Variants in TM4SF5 observed in about 807,000 individuals in gnomAD.
The protein encoded by TM4SF5 is transmembrane 4 L six family member 5.
A neutral mutation model predicts 22.3 loss-of-function variants in TM4SF5; 16 were observed. That is an observed-to-expected ratio of 0.72 (90% CI 0.49 to 1.09). The LOEUF is 1.09. TM4SF5 is among the 50% of genes least tolerant of loss of function. The pLI, the probability that TM4SF5 is intolerant of heterozygous loss-of-function variation, is 0.00. For synonymous variants in TM4SF5, 113 were observed against 109.6 expected, an observed-to-expected ratio of 1.03 and a Z score of -0.19; for missense variants, 249 against 266.1, an observed-to-expected ratio of 0.94 and a Z score of 0.45.
At chr17:4,782,704 G>T in intron 3 of TM4SF5, 65 bp downstream of exon 3, 2 of 1,600,510 alleles carry the variant, frequency 1.2e-6, no homozygotes, top group South Asian at 2.2e-5. Context: ...TTCCCCCGTG[G>T]ACTGGGACAC....
At chr17:4,772,195 G>A in intron 1 of TM4SF5, 96 bp downstream of exon 1, 1 of 1,481,724 alleles carries the variant, frequency 6.7e-7, no homozygotes, top group Non-Finnish European at 9.2e-7. Context: ...AAGAATGGTT[G>A]CTTGGGAGAG....
At chr17:4,776,861 C>T (rs1917215520) in intron 1 of TM4SF5, among the ~76,000 whole-genome samples, 1 of 152,112 alleles carries the variant, frequency 6.6e-6, no homozygotes, top group Non-Finnish European at 1.5e-5. Flanking sequence ...CCTTTGACCA[C>T]TGTGTGGAGA....
Position 4,779,015 on chromosome 17 carries a change from C to G in TM4SF5, c.178-1774C>G, listed in dbSNP as rs187810227. Among the ~76,000 whole-genome samples, 287 of 149,988 alleles carry G rather than the reference C, an allele frequency of 1.9e-3. 2 individuals carry two copies. Among genetic ancestry groups the G allele is most frequent in the African/African-American group, 6.9e-3 (281 of 40,556 alleles). On this transcript the variant is annotated intron_variant, in intron 1 of 4. Coordinates refer to ENST00000270560, the MANE Select transcript of TM4SF5 (RefSeq NM_003963.3). ...GAGGTTGCAGTGAGCCAAGATCACA[C>G]CACTGTACTCCAACCTGGTGACAGA...
At chr17:4,772,631 G>T (rs994571656) in intron 1 of TM4SF5, among the ~76,000 whole-genome samples, 3 of 152,148 alleles carry the variant, frequency 2.0e-5, no homozygotes, top group African/African-American at 7.2e-5. Context: ...CAGTATGGCA[G>T]GGAGGATGCC....
At chr17:4,775,842 T>C (rs1917194221) in intron 1 of TM4SF5, among the ~76,000 whole-genome samples, 1 of 152,094 alleles carries the variant, frequency 6.6e-6, no homozygotes, top group African/African-American at 2.4e-5. Context: ...ACAAATGGAA[T>C]GATAGAGTAT....
chr17:4,782,068 C>A (rs1917319681), intron 2 of TM4SF5, among the ~76,000 whole-genome samples: 1 of 148,824 alleles, frequency 6.7e-6, no homozygotes, highest in Non-Finnish European at 1.5e-5. Flanking sequence ...AGGACAGGTG[C>A]AGAAACAGAG....
chr17:4,772,405 C>G (rs1273455044), intron 1 of TM4SF5, among the ~76,000 whole-genome samples: 1 of 152,194 alleles, frequency 6.6e-6, no homozygotes, highest in Admixed American at 6.5e-5. Flanking sequence ...AACCTCACTA[C>G]AATGGTCGAG....
rs189004937 is a variant in TM4SF5, at chr17:4,777,820, G to T, written c.178-2969G>T. ...AATCACCTGAACACGGGAGGCAGAG[G>T]TTACAGCGAGCCAAGATCGCGCCAT... On this transcript the variant is annotated intron_variant, in intron 1 of 4. Coordinates refer to ENST00000270560, the MANE Select transcript of TM4SF5 (RefSeq NM_003963.3). Among the ~76,000 whole-genome samples, 598 of 152,034 alleles carry T rather than the reference G, an allele frequency of 3.9e-3. 4 individuals are homozygous for T. The highest frequency in any genetic ancestry group is 0.014 in the African/African-American group (577 of 41,448).
At chr17:4,772,213 A>G (rs1004610517) in intron 1 of TM4SF5, 114 bp downstream of exon 1, 1 of 1,335,404 alleles carries the variant, frequency 7.5e-7, no homozygotes, top group Non-Finnish European at 1.0e-6. Context: ...GAGGATGGCA[A>G]TGGCTTCGTG....
In TM4SF5 at chr17:4,771,909, C is replaced by CA; in HGVS notation, c.-14_-13insA. 6.2e-7 allele frequency: 1 copy of CA among 1,614,104 alleles called. No homozygotes were observed. The highest frequency in any genetic ancestry group is 8.5e-7 in the Non-Finnish European group (1 of 1,179,970). ...TTACTTTCACTCACCGCCTGTCCTT[C>CA]CTGACACCTCACCATGTGTACGGGA... On this transcript the variant is annotated 5_prime_UTR_variant, in exon 1 of 5. Coordinates refer to ENST00000270560, the MANE Select transcript of TM4SF5 (RefSeq NM_003963.3).
At chr17:4,779,114 A>C (rs1199721027) in intron 1 of TM4SF5, among the ~76,000 whole-genome samples, 2 of 152,006 alleles carry the variant, frequency 1.3e-5, no homozygotes, top group East Asian at 3.9e-4. Context: ...AGAGACCCTA[A>C]AGGATTTGAG....
intron 1 of TM4SF5, among the ~76,000 whole-genome samples, chr17:4,774,295 C>A (rs1917169985): frequency 6.6e-6 from 1 of 152,018 alleles, no homozygotes; most frequent in Admixed American, 6.6e-5. Context: ...GCTTGTGTTC[C>A]CTTTGGTAAG....
intron 2 of TM4SF5, among the ~76,000 whole-genome samples, chr17:4,781,370 T>C (rs1015104632): frequency 6.6e-6 from 1 of 151,412 alleles, no homozygotes; most frequent in African/African-American, 2.4e-5. Context: ...TAGCCTGGTG[T>C]GGTGGTGGGC....
chr17:4,782,191 T>C (rs527761557), intron 2 of TM4SF5, among the ~76,000 whole-genome samples: 8 of 151,594 alleles, frequency 5.3e-5, no homozygotes, highest in Non-Finnish European at 1.0e-4. Flanking sequence ...CCGCCTCCCA[T>C]GTTCAAGCTA....
chr17:4,771,980 G>T lies in TM4SF5; in HGVS notation c.58G>T (p.Val20Phe). 1.2e-6 allele frequency: 2 copies of T among 1,614,120 alleles called. No homozygotes were observed. Among genetic ancestry groups the T allele is most frequent in the Non-Finnish European group, 1.7e-6 (2 of 1,180,016 alleles). The change falls in exon 1 of 5, where the codon GTC becomes TTC. Residue 20 changes from valine to phenylalanine, a missense_variant. Coordinates refer to ENST00000270560, the MANE Select transcript of TM4SF5 (RefSeq NM_003963.3). The part of the protein sequence containing the change: ...VGLSLITLCL[V>F]CIVANALLLV... Reference sequence around the variant, plus strand: ...GCTCTCCCTCATTACCCTCTGCCTCGTCTGCATTGTGGCCAACGCCCTCCT... The same window carrying T: ...GCTCTCCCTCATTACCCTCTGCCTCTTCTGCATTGTGGCCAACGCCCTCCT...
intron 1 of TM4SF5, among the ~76,000 whole-genome samples, chr17:4,776,873 T>C (rs991669308): frequency 6.6e-6 from 1 of 151,998 alleles, no homozygotes; most frequent in Non-Finnish European, 1.5e-5. Context: ...GTGTGGAGAA[T>C]GGGTAGTAGA....
At position 4,782,657 on chromosome 17, in the gene TM4SF5, T is replaced by A. The variant is rs759899504; in HGVS notation, c.395+18T>A. On this transcript the variant is annotated intron_variant, in intron 3 of 4. Coordinates refer to ENST00000270560, the MANE Select transcript of TM4SF5 (RefSeq NM_003963.3). ...GACACCGCGTAAGGTTTAGCCTGTA[T>A]TCGTGTCCTCCATTCTCTGCCTCTT... The A allele has an allele frequency of 6.2e-7, 1 of 1,613,752 alleles. No homozygotes were observed. Among genetic ancestry groups the A allele is most frequent in the Admixed American group, 1.7e-5 (1 of 59,928 alleles).
chr17:4,780,213 G>A (rs1031490375), intron 1 of TM4SF5, among the ~76,000 whole-genome samples: 8 of 151,906 alleles, frequency 5.3e-5, no homozygotes, highest in Non-Finnish European at 1.2e-4. Context: ...GCGCCACCAC[G>A]CCCGGCTAAT....
intron 1 of TM4SF5, among the ~76,000 whole-genome samples, chr17:4,779,476 T>C (rs1197091045): frequency 3.3e-5 from 5 of 151,160 alleles, no homozygotes; most frequent in African/African-American, 9.7e-5. Context: ...TGATAGAGGA[T>C]AGAGTGTAGG....
Sources: allele counts gnomAD v4.1 joint callset (sites outside exome capture counted in the v4.1 genomes callset), GRCh38; gene constraint gnomAD v4.1.1; transcripts MANE v1.5; gene names NCBI Gene and HGNC (gene_info 2026-07-23, HGNC 2026-07-21).